TSHZ3: variants seen among roughly 807,000 people sequenced by gnomAD.
The protein encoded by TSHZ3 is teashirt homolog 3.
A neutral mutation model predicts 64.5 loss-of-function variants in TSHZ3; 10 were observed. The observed-to-expected ratio is 0.16, with a 90% confidence interval of 0.10 to 0.26. The LOEUF (loss-of-function observed/expected upper bound fraction) is 0.26, where lower values mean the gene tolerates loss of function less well. Among genes scored for constraint, TSHZ3 ranks in the 10% least tolerant of loss-of-function variants. The pLI, the probability that TSHZ3 is intolerant of heterozygous loss-of-function variation, is 1.00. For synonymous variants in TSHZ3, 608 were observed against 593.1 expected, an observed-to-expected ratio of 1.03 and a Z score of -0.36; for missense variants, 1,242 against 1,421.7, an observed-to-expected ratio of 0.87 and a Z score of 2.03.
At chr19:31,175,757 G>T (rs1974598375) in intron 5 of TSHZ3, among the ~76,000 whole-genome samples, 2 of 152,246 alleles carry the variant, frequency 1.3e-5, no homozygotes. Flanking sequence ...TGCTCTGAGT[G>T]GAGGCGGCCA....
intron 5 of TSHZ3, among the ~76,000 whole-genome samples, chr19:31,192,690 C>T (rs886249808): frequency 1.3e-5 from 2 of 152,134 alleles, no homozygotes; most frequent in East Asian, 3.9e-4. Context: ...AATATTCCAC[C>T]ACCTATGTAA....
At chr19:31,311,546 A>C (rs559509576) in intron 1 of TSHZ3, among the ~76,000 whole-genome samples, 1 of 152,216 alleles carries the variant, frequency 6.6e-6, no homozygotes, top group African/African-American at 2.4e-5. Context: ...GCAGAGATGA[A>C]GCAGAGGACA....
intron 5 of TSHZ3, among the ~76,000 whole-genome samples, chr19:31,183,513 C>T (rs974423745): frequency 7.2e-5 from 11 of 152,124 alleles, no homozygotes; most frequent in African/African-American, 2.7e-4. Flanking sequence ...CTTAATTGCT[C>T]GAATTGCCAC....
At chr19:31,227,640 C>A (rs1442035051) in intron 4 of TSHZ3, among the ~76,000 whole-genome samples, 1 of 152,150 alleles carries the variant, frequency 6.6e-6, no homozygotes, top group East Asian at 1.9e-4. Context: ...GGCTGAAAAT[C>A]TGTTCCACCT....
intron 5 of TSHZ3, among the ~76,000 whole-genome samples, chr19:31,166,378 C>G (rs533064235): frequency 1.3e-5 from 2 of 152,286 alleles, no homozygotes; most frequent in South Asian, 2.1e-4. Flanking sequence ...TGTGACAGGG[C>G]AGGGAGCCTG....
intron 5 of TSHZ3, among the ~76,000 whole-genome samples, chr19:31,194,178 C>T: frequency 6.6e-6 from 1 of 152,116 alleles, no homozygotes; most frequent in East Asian, 1.9e-4. Flanking sequence ...TGTGGATAAA[C>T]CTGAGAGTTA....
chr19:31,195,406 T>A (rs1448715449), intron 5 of TSHZ3, among the ~76,000 whole-genome samples: 3 of 152,156 alleles, frequency 2.0e-5, no homozygotes, highest in Non-Finnish European at 4.4e-5. Context: ...TGACTTCTCC[T>A]CTTAAACTAT....
chr19:31,265,885 A>G (rs1222360871), intron 1 of TSHZ3, among the ~76,000 whole-genome samples: 1 of 152,202 alleles, frequency 6.6e-6, no homozygotes, highest in African/African-American at 2.4e-5. Context: ...GTTCCTGGTG[A>G]CATCACTGAG....
At chr19:31,297,295 C>A (rs74372621) in intron 1 of TSHZ3, among the ~76,000 whole-genome samples, 1 of 152,168 alleles carries the variant, frequency 6.6e-6, no homozygotes, top group Non-Finnish European at 1.5e-5. Context: ...TCGGGGTAGG[C>A]GTCTGTGTGG....
chr19:31,332,063 A>G (rs1917112058), intron 1 of TSHZ3, among the ~76,000 whole-genome samples: 1 of 152,178 alleles, frequency 6.6e-6, no homozygotes, highest in Non-Finnish European at 1.5e-5. Context: ...CCATTCACAA[A>G]AAGTATGCAG....
chr19:31,260,150 G>T (rs1406534993), intron 1 of TSHZ3, among the ~76,000 whole-genome samples: 2 of 152,106 alleles, frequency 1.3e-5, no homozygotes, highest in Middle Eastern at 3.2e-3. Flanking sequence ...AGGACCTGGG[G>T]TCTGCATCCC....
At chr19:31,268,076 A>G (rs1976079281) in intron 1 of TSHZ3, among the ~76,000 whole-genome samples, 1 of 152,120 alleles carries the variant, frequency 6.6e-6, no homozygotes, top group African/African-American at 2.4e-5. Context: ...ATAGTGAATA[A>G]GTCTCACGAG....
intron 1 of TSHZ3, among the ~76,000 whole-genome samples, chr19:31,283,243 C>T (rs916940226): frequency 1.5e-4 from 23 of 151,936 alleles, no homozygotes; most frequent in African/African-American, 3.6e-4. Flanking sequence ...CTGAGGCAGG[C>T]GAATCACTTG....
At chr19:31,310,053 TG>T (rs1222606189) in intron 1 of TSHZ3, among the ~76,000 whole-genome samples, 3 of 152,194 alleles carry the variant, frequency 2.0e-5, no homozygotes, top group African/African-American at 7.2e-5. Context: ...TTTGTGATGA[TG>T]GGAAAATGCA....
At chr19:31,190,961 A>T (rs1167630243) in intron 5 of TSHZ3, among the ~76,000 whole-genome samples, 1 of 152,182 alleles carries the variant, frequency 6.6e-6, no homozygotes, top group Non-Finnish European at 1.5e-5. Context: ...ACAATGTGGT[A>T]GAAGGCCAGT....
intron 5 of TSHZ3, among the ~76,000 whole-genome samples, chr19:31,163,792 C>T (rs1037875291): frequency 1.3e-5 from 2 of 152,124 alleles, no homozygotes; most frequent in African/African-American, 4.8e-5. Flanking sequence ...ATTAAAAGGA[C>T]AGGCTGGGGC....
intron 3 of TSHZ3, among the ~76,000 whole-genome samples, chr19:31,228,558 A>G (rs1284683287): frequency 6.6e-6 from 1 of 151,492 alleles, no homozygotes; most frequent in Non-Finnish European, 1.5e-5. Flanking sequence ...TAGAGACAAT[A>G]TTAGCATGGT....
At chr19:31,337,391 A>G (rs1428001020) in intron 1 of TSHZ3, among the ~76,000 whole-genome samples, 1 of 152,214 alleles carries the variant, frequency 6.6e-6, no homozygotes, top group East Asian at 1.9e-4. Context: ...TATTAATAGC[A>G]AAGTTTTTCT....
At chr19:31,161,089 A>T (rs1034358356) in intron 5 of TSHZ3, among the ~76,000 whole-genome samples, 2 of 152,132 alleles carry the variant, frequency 1.3e-5, no homozygotes, top group Non-Finnish European at 2.9e-5. Flanking sequence ...GTGCGTGTGT[A>T]TGTGTGTGTG....
Sources: gnomAD v4.1 joint callset for allele counts (sites outside exome capture counted in the v4.1 genomes callset) on GRCh38, gnomAD v4.1.1 for gene constraint, MANE v1.5 for transcripts, NCBI Gene and HGNC (gene_info 2026-07-23, HGNC 2026-07-21) for gene names.